JMY: variants seen among roughly 807,000 people sequenced by gnomAD.
The protein encoded by JMY is junction-mediating and -regulatory protein.
A neutral mutation model predicts 103.3 loss-of-function variants in JMY; 46 were observed. That is an observed-to-expected ratio of 0.45 (90% CI 0.35 to 0.57). The LOEUF (loss-of-function observed/expected upper bound fraction) is 0.57, where lower values mean the gene tolerates loss of function less well. JMY is among the 20% of genes least tolerant of loss of function. JMY has a pLI of 0.00. For synonymous variants in JMY, 526 were observed against 489.3 expected, an observed-to-expected ratio of 1.07 and a Z score of -0.99; for missense variants, 1,238 against 1,255.2, an observed-to-expected ratio of 0.99 and a Z score of 0.21.
At chr5:79,302,746 A>G (rs1746775784) in intron 6 of JMY, among the ~76,000 whole-genome samples, 1 of 152,210 alleles carries the variant, frequency 6.6e-6, no homozygotes, top group African/African-American at 2.4e-5. Flanking sequence ...ACAGATTCAC[A>G]TTTTAGCAAG....
intron 8 of JMY, 113 bp downstream of exon 8, chr5:79,312,611 T>C (rs956837447): frequency 4.4e-5 from 22 of 494,548 alleles, no homozygotes; most frequent in Admixed American, 2.4e-4. Flanking sequence ...CCCTTATTTA[T>C]AAACTATTAT....
rs1387082591 is a variant in JMY at position 79,325,335 on chromosome 5, T to A, written c.*3733T>A. ...AAGGGCTCTATCAGGGAGTTGAAAT[T>A]TCATACGCTTTACCAGGTTACTTGT... On this transcript the variant is annotated 3_prime_UTR_variant, in exon 11 of 11. Coordinates refer to ENST00000396137, the MANE Select transcript of JMY (RefSeq NM_152405.5). 1 of 152,180 alleles carries A rather than the reference T, an allele frequency of 6.6e-6. No homozygotes were observed. Among genetic ancestry groups the A allele is most frequent in the Non-Finnish European group, 1.5e-5 (1 of 68,002 alleles). 9.4% of individuals were successfully genotyped at this position (152,180 alleles called of 1,614,324 possible). A position where few individuals can be genotyped will look rare whatever the true frequency, so the allele number is the denominator to read the frequency against.
chr5:79,285,944 A>G (rs1349239934), intron 2 of JMY, among the ~76,000 whole-genome samples: 1 of 134,542 alleles, frequency 7.4e-6, no homozygotes, highest in South Asian at 2.3e-4. Context: ...TAGTTTCGCT[A>G]TCCTAGCTGA....
At position 79,242,460 on chromosome 5, in the gene JMY, T is replaced by G. The variant is rs145730562; in HGVS notation, c.1032+4778T>G. Among the ~76,000 whole-genome samples, 202 of 152,322 alleles carry G rather than the reference T, an allele frequency of 1.3e-3. 1 individual carries two copies. Among genetic ancestry groups the G allele is most frequent in the African/African-American group, 4.5e-3 (188 of 41,568 alleles). On this transcript the variant is annotated intron_variant, in intron 1 of 10. Coordinates refer to ENST00000396137, the MANE Select transcript of JMY (RefSeq NM_152405.5). ...GATTATCTGGTTTTCCATTCAGCCC[T>G]TTTTGTGGGGACTGTAACTAATATT...
In JMY at chr5:79,314,730, G is replaced by T; in HGVS notation, c.2538G>T (p.Gly846=). The change falls in exon 9 of 11, where the codon GGG becomes GGT. Residue 846 remains glycine, a synonymous_variant. Transcript: ENST00000396137. Reference sequence around the variant, plus strand: ...AGAAAGATCTGCCTAGAAAGGAGGGGAATGAGAAGAGGATCCCAAAGTCAG... The same window carrying T: ...AGAAAGATCTGCCTAGAAAGGAGGGTAATGAGAAGAGGATCCCAAAGTCAG... ...TLEKDLPRKE[G]NEKRIPKSAS... 6.2e-7 allele frequency: 1 copy of T among 1,613,056 alleles called. No homozygotes were observed. Among genetic ancestry groups the T allele is most frequent in the Non-Finnish European group, 8.5e-7 (1 of 1,179,816 alleles).
intron 1 of JMY, among the ~76,000 whole-genome samples, chr5:79,241,665 T>A (rs1267873752): frequency 1.3e-5 from 2 of 152,216 alleles, no homozygotes; most frequent in African/African-American, 4.8e-5. Flanking sequence ...GTCACAGGAA[T>A]GTTTTGGTTT....
chr5:79,266,517 A>G (rs750835510), intron 1 of JMY, among the ~76,000 whole-genome samples: 17 of 152,374 alleles, frequency 1.1e-4, no homozygotes, highest in Non-Finnish European at 1.6e-4. Context: ...ATATGCATAT[A>G]CAATGTATAA....
chr5:79,311,884 T>G (rs1192917838), intron 7 of JMY, among the ~76,000 whole-genome samples: 1 of 152,144 alleles, frequency 6.6e-6, no homozygotes, highest in Non-Finnish European at 1.5e-5. Flanking sequence ...TGGCACTATC[T>G]CGGCTCACTG....
At chr5:79,316,458 G>T in intron 10 of JMY, 148 bp downstream of exon 10, 1 of 600,824 alleles carries the variant, frequency 1.7e-6, no homozygotes, top group South Asian at 2.6e-5. Flanking sequence ...TGAACTTCAG[G>T]TTTTACTTAA....
chr5:79,320,127 C>T (rs1054590526), intron 10 of JMY, among the ~76,000 whole-genome samples: 3 of 151,994 alleles, frequency 2.0e-5, no homozygotes, highest in African/African-American at 7.3e-5. Context: ...GCCTGTAATT[C>T]TGCAGTACTT....
chr5:79,238,734 C>G (rs1419903810), intron 1 of JMY, among the ~76,000 whole-genome samples: 10 of 150,404 alleles, frequency 6.6e-5, no homozygotes, highest in Admixed American at 4.7e-4. Context: ...TGCAGCCTCC[C>G]CCTCCCGGGT....
At chr5:79,320,230 A>G (rs1214050423) in intron 10 of JMY, among the ~76,000 whole-genome samples, 2 of 152,036 alleles carry the variant, frequency 1.3e-5, no homozygotes, top group African/African-American at 4.8e-5. Context: ...AAAATACAAA[A>G]AGTAGCTGGG....
chr5:79,294,027 G>A (rs1453240969), intron 4 of JMY, among the ~76,000 whole-genome samples: 1 of 152,172 alleles, frequency 6.6e-6, no homozygotes, highest in Non-Finnish European at 1.5e-5. Context: ...TATGCTGGAA[G>A]TGTTATTAAA....
chr5:79,304,817 TG>T (rs1746832357), intron 6 of JMY, among the ~76,000 whole-genome samples: 1 of 152,210 alleles, frequency 6.6e-6, no homozygotes, highest in South Asian at 2.1e-4. Context: ...AAAACATGTC[TG>T]ACCTCTGTTC....
chr5:79,237,631 G>A lies in JMY; in HGVS notation c.981G>A (p.Arg327=). The A allele has an allele frequency of 6.2e-7, 1 of 1,613,774 alleles. No homozygotes were observed. The highest frequency in any genetic ancestry group is 8.5e-7 in the Non-Finnish European group (1 of 1,180,002). ...EEYYESLSEL[R]QKGYEEVLQR... is the part of the protein sequence containing the mutation. ...ATTACGAAAGCCTCAGCGAGCTGCGGCAGAAGGGCTACGAAGAAGTGCTTC... is the reference window on the plus strand; with the variant it reads ...ATTACGAAAGCCTCAGCGAGCTGCGACAGAAGGGCTACGAAGAAGTGCTTC... Residue 327 remains arginine (R), a synonymous_variant, in exon 1 of 11, where the codon CGG becomes CGA. Coordinates refer to ENST00000396137, the MANE Select transcript of JMY (RefSeq NM_152405.5).
chr5:79,268,642 C>T (rs2112073994), intron 1 of JMY, among the ~76,000 whole-genome samples: 1 of 152,184 alleles, frequency 6.6e-6, no homozygotes, highest in African/African-American at 2.4e-5. Flanking sequence ...CGCCCACCAC[C>T]ATGCCCGGCT....
In JMY at chr5:79,268,710, G is replaced by A. The variant is rs181743604; in HGVS notation, c.1033-9200G>A. On this transcript the variant is annotated intron_variant, in intron 1 of 10. Transcript: ENST00000396137. ...TCACCATGTTGGCCAGGATGGTCTC[G>A]ATCTCTTGACCTTATGATCCACCCG... Among the ~76,000 whole-genome samples, 802 of 152,078 alleles carry A rather than the reference G, an allele frequency of 5.3e-3. 4 individuals carry two copies. The highest frequency in any genetic ancestry group is 8.7e-3 in the Non-Finnish European group (589 of 67,980).
chr5:79,310,017 A>G (rs529085497), intron 7 of JMY, among the ~76,000 whole-genome samples: 10 of 150,832 alleles, frequency 6.6e-5, no homozygotes, highest in East Asian at 5.8e-4. Context: ...TTTTGGGGGC[A>G]ACAGGAGTAA....
At chr5:79,274,824 G>C (rs143181473) in intron 1 of JMY, among the ~76,000 whole-genome samples, 1 of 152,300 alleles carries the variant, frequency 6.6e-6, no homozygotes, top group East Asian at 1.9e-4. Flanking sequence ...ATTCTGTTAT[G>C]TTCCCTCAGA....
Sources: allele counts gnomAD v4.1 joint callset (sites outside exome capture counted in the v4.1 genomes callset), GRCh38; gene constraint gnomAD v4.1.1; transcripts MANE v1.5; gene names NCBI Gene and HGNC (gene_info 2026-07-23, HGNC 2026-07-21).